Variants in MYO1D observed in about 807,000 individuals in gnomAD.
MYO1D encodes unconventional myosin-Id.
In MYO1D, 83 loss-of-function variants were observed where a neutral mutation model predicts 122.0. That is an observed-to-expected ratio of 0.68 (90% CI 0.57 to 0.82). The LOEUF is 0.82. MYO1D is among the 40% of genes least tolerant of loss of function. The pLI is 0.00. For missense variants in MYO1D, 1,157 were observed against 1,269.5 expected (o/e 0.91, Z 1.35); for synonymous variants, 464 against 446.9 (o/e 1.04, Z -0.48).
chr17:32,808,454 G>C (rs780247412), intron 1 of MYO1D, among the ~76,000 whole-genome samples: 1 of 151,868 alleles, frequency 6.6e-6, no homozygotes, highest in East Asian at 1.9e-4. Flanking sequence ...AAGGAATGCA[G>C]TAAAAGTTTT....
chr17:32,748,803 A>T, intron 12 of MYO1D, 133 bp downstream of exon 12: 4 of 836,882 alleles, frequency 4.8e-6, no homozygotes, highest in Non-Finnish European at 5.8e-6. Flanking sequence ...AGTTGAACAA[A>T]TTAAAATATA....
chr17:32,563,203 TC>T (rs2087141605), intron 21 of MYO1D, among the ~76,000 whole-genome samples: 7 of 121,312 alleles, frequency 5.8e-5, no homozygotes, highest in African/African-American at 2.0e-4. Context: ...TTTTTTCTTC[TC>T]TCTTTTTTTT....
intron 16 of MYO1D, among the ~76,000 whole-genome samples, chr17:32,697,108 C>T (rs867064287): frequency 6.6e-6 from 1 of 152,220 alleles, no homozygotes; most frequent in African/African-American, 2.4e-5. Context: ...CTGCCTACTA[C>T]CCTAGGGCCT....
intron 16 of MYO1D, among the ~76,000 whole-genome samples, chr17:32,691,314 T>C (rs2089095134): frequency 6.6e-6 from 1 of 151,488 alleles, no homozygotes; most frequent in African/African-American, 2.4e-5. Context: ...TTTGTACTCA[T>C]AGCCAATCGC....
chr17:32,846,985 T>TCAAA lies in MYO1D; in HGVS notation c.95+29789_95+29792dup, dbSNP rs529383218. On this transcript the variant is annotated intron_variant, in intron 1 of 21. Transcript: ENST00000318217. Reference sequence around the variant, plus strand: ...CTGGGGAACAGAACGAGACCCTGTTTCAAACAAACAAACAAATAAGTAAAT... The same window carrying TCAAA: ...CTGGGGAACAGAACGAGACCCTGTTTCAAACAAACAAACAAACAAATAAGTAAAT... Among the ~76,000 whole-genome samples, 124 of 152,176 alleles carry TCAAA rather than the reference T, an allele frequency of 8.1e-4. 1 individual carries two copies. Among genetic ancestry groups the TCAAA allele is most frequent in the Middle Eastern group, 6.8e-3 (2 of 292 alleles).
At chr17:32,728,602 A>G (rs113454282) in intron 14 of MYO1D, among the ~76,000 whole-genome samples, 1 of 152,370 alleles carries the variant, frequency 6.6e-6, no homozygotes, top group Non-Finnish European at 1.5e-5. Context: ...TTTTGATGAA[A>G]TAAGACTAAG....
At chr17:32,674,274 T>C (rs892215415) in intron 16 of MYO1D, among the ~76,000 whole-genome samples, 1 of 152,198 alleles carries the variant, frequency 6.6e-6, no homozygotes, top group Non-Finnish European at 1.5e-5. Context: ...ACCTGTACAC[T>C]GAGGATGCAA....
intron 10 of MYO1D, among the ~76,000 whole-genome samples, chr17:32,758,114 A>G (rs2089966822): frequency 6.6e-6 from 1 of 152,132 alleles, no homozygotes; most frequent in South Asian, 2.1e-4. Context: ...AGATCTAACA[A>G]CCAATATACA....
intron 16 of MYO1D, among the ~76,000 whole-genome samples, chr17:32,664,790 G>C (rs1225183791): frequency 6.6e-6 from 1 of 152,178 alleles, no homozygotes; most frequent in Non-Finnish European, 1.5e-5. Context: ...TTGCAACTGA[G>C]GTGCCAATTC....
At position 32,532,758 on chromosome 17, in the gene MYO1D, G is replaced by A. The variant is rs557084158; in HGVS notation, c.2865-37843C>T. 1.9e-4 allele frequency among the ~76,000 whole-genome samples: 29 copies of A among 149,154 alleles called. No homozygotes were observed. In the South Asian group the frequency reaches 5.5e-3, roughly 28 times the overall value. Reference sequence around the variant, plus strand: ...AAAAAAAAAAACCAAACGAGTGCACGAGGCTGATATGCTCATTTTACCACA... The same window carrying A: ...AAAAAAAAAAACCAAACGAGTGCACAAGGCTGATATGCTCATTTTACCACA... On this transcript the variant is annotated intron_variant, in intron 21 of 21. Transcript: ENST00000318217.
chr17:32,848,796 C>G (rs1194355870), intron 1 of MYO1D, among the ~76,000 whole-genome samples: 2 of 152,130 alleles, frequency 1.3e-5, no homozygotes, highest in African/African-American at 4.8e-5. Context: ...GGTAGCTGGG[C>G]TCATTCAGTG....
chr17:32,742,351 T>G (rs1372547428), intron 13 of MYO1D, among the ~76,000 whole-genome samples: 2 of 152,212 alleles, frequency 1.3e-5, no homozygotes, highest in Non-Finnish European at 1.5e-5. Context: ...ATGTTACTGT[T>G]AGATTTTCCA....
chr17:32,758,001 T>C (rs1472011719), intron 10 of MYO1D, among the ~76,000 whole-genome samples: 1 of 152,116 alleles, frequency 6.6e-6, no homozygotes, highest in Non-Finnish European at 1.5e-5. Flanking sequence ...TAAAAGTGAA[T>C]GTACCAGATA....
At position 32,569,894 on chromosome 17, in the gene MYO1D, G is replaced by GTCTAGTGTGTCCCCA. The variant is rs1042297100; in HGVS notation, c.2864+35192_2864+35193insTGGGGACACACTAGA. Among the ~76,000 whole-genome samples the GTCTAGTGTGTCCCCA allele has an allele frequency of 4.5e-4, 69 of 152,296 alleles. No homozygotes were observed. The East Asian group carries it at 0.013, about 28-fold the overall frequency. On this transcript the variant is annotated intron_variant, in intron 21 of 21. Coordinates refer to ENST00000318217, the MANE Select transcript of MYO1D (RefSeq NM_015194.3). ...AGTGTGTGAAGGTATCACAGGGCAA[G>GTCTAGTGTGTCCCCA]TCACTAGATGGGGACAGCTGCTTCC... is the stretch of plus-strand genomic sequence containing the variant.
chr17:32,683,604 G>T (rs1388879010), intron 16 of MYO1D, among the ~76,000 whole-genome samples: 5 of 151,380 alleles, frequency 3.3e-5, no homozygotes, highest in Non-Finnish European at 4.4e-5. Flanking sequence ...GCAGTCTGCC[G>T]GTTCTCAGAT....
At chr17:32,614,072 AT>A (rs527897976) in intron 20 of MYO1D, among the ~76,000 whole-genome samples, 4,558 of 126,582 alleles carry the variant, frequency 0.036, 107 homozygotes, top group East Asian at 0.1. Flanking sequence ...TAATGTTTTA[AT>A]TTTTTTTTTT....
intron 1 of MYO1D, among the ~76,000 whole-genome samples, chr17:32,832,813 T>A (rs1405142932): frequency 6.6e-6 from 1 of 152,240 alleles, no homozygotes; most frequent in Non-Finnish European, 1.5e-5. Flanking sequence ...GATTTAAGAA[T>A]CTACTGTTCT....
chr17:32,800,719 T>G (rs1199682099), intron 1 of MYO1D, among the ~76,000 whole-genome samples: 1 of 152,104 alleles, frequency 6.6e-6, no homozygotes, highest in Non-Finnish European at 1.5e-5. Flanking sequence ...TTATTTTTGT[T>G]TTTCCAGAAA....
intron 21 of MYO1D, among the ~76,000 whole-genome samples, chr17:32,504,297 C>A (rs1003084010): frequency 2.0e-5 from 3 of 152,218 alleles, no homozygotes; most frequent in African/African-American, 7.2e-5. Flanking sequence ...GGCTGCCCCT[C>A]CCCCATGGCA....
Sources: allele counts gnomAD v4.1 joint callset (sites outside exome capture counted in the v4.1 genomes callset), GRCh38; gene constraint gnomAD v4.1.1; transcripts MANE v1.5; gene names NCBI Gene and HGNC (gene_info 2026-07-23, HGNC 2026-07-21).